ITSN1: variants seen among roughly 807,000 people sequenced by gnomAD.
The protein encoded by ITSN1 is intersectin-1.
Under a neutral mutation model 239.8 loss-of-function variants are expected in ITSN1, and 58 were observed. The observed-to-expected ratio is 0.24, with a 90% CI of 0.20 to 0.30. The LOEUF (loss-of-function observed/expected upper bound fraction) is 0.30. Among genes scored for constraint, ITSN1 ranks in the 10% least tolerant of loss-of-function variants. The pLI, the probability that ITSN1 is intolerant of heterozygous loss-of-function variation, is 1.00. For missense variants in ITSN1, 1,558 were observed against 2,103.3 expected, an observed-to-expected ratio of 0.74 and a Z score of 5.07; for synonymous variants, 780 against 770.8, an observed-to-expected ratio of 1.01 and a Z score of -0.20.
At chr21:33,650,511 T>TA (rs1159111419) in intron 1 of ITSN1, among the ~76,000 whole-genome samples, 1 of 152,240 alleles carries the variant, frequency 6.6e-6, no homozygotes, top group African/African-American at 2.4e-5. Context: ...TGTAAACACA[T>TA]ATATCATTCC....
At chr21:33,754,528 G>T (rs1041689219) in intron 7 of ITSN1, among the ~76,000 whole-genome samples, 3 of 152,190 alleles carry the variant, frequency 2.0e-5, no homozygotes, top group African/African-American at 7.2e-5. Flanking sequence ...AGATGTCGAA[G>T]CTTAACAAGC....
intron 29 of ITSN1, among the ~76,000 whole-genome samples, chr21:33,855,379 G>C (rs1179959806): frequency 1.3e-5 from 2 of 152,232 alleles, no homozygotes; most frequent in Non-Finnish European, 2.9e-5. Context: ...AGGGGGTTTT[G>C]CACTGTGCTC....
At chr21:33,770,997 C>G (rs2069118233) in intron 11 of ITSN1, among the ~76,000 whole-genome samples, 1 of 151,970 alleles carries the variant, frequency 6.6e-6, no homozygotes, top group Non-Finnish European at 1.5e-5. Context: ...AACTCCTGAC[C>G]TCAAGTGATC....
rs59129090 is a variant in ITSN1 at position 33,862,164 on chromosome 21, C to CAA, written c.3891-2964_3891-2963dup. Among the ~76,000 whole-genome samples the CAA allele has an allele frequency of 8.9e-3, 709 of 79,752 alleles. 31 individuals are homozygous for CAA. The highest frequency in any genetic ancestry group is 0.022 in the African/African-American group (407 of 18,464). The allele number at this position is 79,752 out of a possible 152,430, so 52.3% of individuals were successfully genotyped here. A position where few individuals can be genotyped will look rare whatever the true frequency, so the allele number is the denominator to read the frequency against. ...TGGGCAACAGAGTGAGACTGTGTCA[C>CAA]AAAAAAAAAAAAAAAAAAAAAAAAT... is the stretch of plus-strand genomic sequence containing the variant. On this transcript the variant is annotated intron_variant, in intron 31 of 39. Transcript: ENST00000381318.
intron 34 of ITSN1, among the ~76,000 whole-genome samples, chr21:33,878,927 A>T (rs1984449890): frequency 6.6e-6 from 1 of 152,084 alleles, no homozygotes; most frequent in Admixed American, 6.6e-5. Flanking sequence ...TTACAACAAG[A>T]TGTGAGGGGT....
intron 5 of ITSN1, among the ~76,000 whole-genome samples, chr21:33,748,295 A>T (rs2067308863): frequency 6.6e-6 from 1 of 151,990 alleles, no homozygotes; most frequent in Non-Finnish European, 1.5e-5. Flanking sequence ...ACAAAAAAAT[A>T]AAAACTTAGC....
In ITSN1 at chr21:33,781,517, A is replaced by G. The variant is rs764245502; in HGVS notation, c.1653A>G (p.Gln551=). 5 of 1,590,598 alleles carry G rather than the reference A, an allele frequency of 3.1e-6. No homozygotes were observed. In the South Asian group the frequency reaches 3.4e-5, roughly 11 times the overall value. The change falls in exon 15 of 40, where the codon CAA becomes CAG. Residue 551 remains glutamine, a synonymous_variant. Coordinates refer to ENST00000381318, the MANE Select transcript of ITSN1 (RefSeq NM_003024.3). ...CAGAAAAACAGATACTCAATGACCA[A>G]TTAAAACAAGTTCAGCAGAACAGTT... ...LIPEKQILND[Q]LKQVQQNSLH...
At chr21:33,811,307 C>G (rs1348695359) in intron 21 of ITSN1, 85 bp downstream of exon 21, 10 of 1,335,540 alleles carry the variant, frequency 7.5e-6, no homozygotes, top group Non-Finnish European at 1.0e-5. Context: ...TTTTCATAGT[C>G]TTGGATTGTC....
intron 2 of ITSN1, among the ~76,000 whole-genome samples, chr21:33,720,217 T>A (rs2065402893): frequency 1.3e-5 from 2 of 152,236 alleles, no homozygotes; most frequent in Admixed American, 6.5e-5. Flanking sequence ...TAAATATTTT[T>A]CCAGTGACTG....
intron 5 of ITSN1, among the ~76,000 whole-genome samples, chr21:33,748,240 A>G (rs1181314642): frequency 6.6e-6 from 1 of 152,002 alleles, no homozygotes; most frequent in Non-Finnish European, 1.5e-5. Context: ...GCTTGAGGCC[A>G]GGAGTTTGAG....
chr21:33,651,049 G>C (rs923514933), intron 1 of ITSN1, among the ~76,000 whole-genome samples: 1 of 152,268 alleles, frequency 6.6e-6, no homozygotes, highest in African/African-American at 2.4e-5. Context: ...CAGGGGGCTA[G>C]CCCCAGGCCC....
chr21:33,817,004 CTCATCAGACATAA>C (rs1329488266), intron 22 of ITSN1, among the ~76,000 whole-genome samples: 3 of 152,116 alleles, frequency 2.0e-5, no homozygotes, highest in Admixed American at 1.3e-4. Flanking sequence ...AAATTCTCTG[CTCATCAGACATAA>C]TCATAACTTA....
At chr21:33,771,226 A>G (rs1297605982) in intron 11 of ITSN1, among the ~76,000 whole-genome samples, 1 of 152,210 alleles carries the variant, frequency 6.6e-6, no homozygotes, top group Admixed American at 6.5e-5. Context: ...CCAAACAGGA[A>G]TGTGGGAAGA....
intron 22 of ITSN1, among the ~76,000 whole-genome samples, chr21:33,815,152 T>C (rs1195737045): frequency 6.6e-6 from 1 of 152,164 alleles, no homozygotes; most frequent in Non-Finnish European, 1.5e-5. Flanking sequence ...AGCACGAGAC[T>C]GGGATTATAG....
chr21:33,711,652 T>TTGTGTGTG (rs58696981), intron 1 of ITSN1, among the ~76,000 whole-genome samples: 237 of 134,890 alleles, frequency 1.8e-3, no homozygotes, highest in Non-Finnish European at 2.8e-3. Context: ...TTTCTGTGTG[T>TTGTGTGTG]TGTGTGTGTG....
intron 5 of ITSN1, among the ~76,000 whole-genome samples, chr21:33,748,700 ACG>A (rs1491565216): frequency 6.7e-6 from 1 of 149,328 alleles, no homozygotes; most frequent in African/African-American, 2.5e-5. Context: ...AAAAAAATAC[ACG>A]TATATATATA....
intron 1 of ITSN1, among the ~76,000 whole-genome samples, chr21:33,713,763 G>A (rs2092483351): frequency 6.6e-6 from 1 of 151,054 alleles, no homozygotes; most frequent in African/African-American, 2.4e-5. Flanking sequence ...GGAGAACCTC[G>A]CTGTGATTGG....
chr21:33,647,105 A>G (rs1014697781), intron 1 of ITSN1, among the ~76,000 whole-genome samples: 4 of 152,224 alleles, frequency 2.6e-5, no homozygotes, highest in South Asian at 2.1e-4. Context: ...ATGTATTAAT[A>G]TAAGTTTTGA....
intron 4 of ITSN1, among the ~76,000 whole-genome samples, chr21:33,734,154 A>T (rs1189889635): frequency 6.6e-6 from 1 of 152,206 alleles, no homozygotes; most frequent in Non-Finnish European, 1.5e-5. Flanking sequence ...ATTAAAAGAA[A>T]TAAAATCTGA....
Sources: gnomAD v4.1 joint callset for allele counts (sites outside exome capture counted in the v4.1 genomes callset) on GRCh38, gnomAD v4.1.1 for gene constraint, MANE v1.5 for transcripts, NCBI Gene and HGNC (gene_info 2026-07-23, HGNC 2026-07-21) for gene names.